The following KLHDC10 variants were observed in gnomAD, a reference collection of about 807,000 sequenced individuals.
KLHDC10 encodes the protein kelch domain containing 10.
In KLHDC10, 24 loss-of-function variants were observed where a neutral mutation model predicts 56.1. The observed-to-expected ratio is 0.43, with a 90% confidence interval of 0.31 to 0.60. The LOEUF is 0.60. Among genes scored for constraint, KLHDC10 ranks in the 20% least tolerant of loss-of-function variants. KLHDC10 has a pLI of 0.11. For missense variants in KLHDC10, 349 were observed against 567.0 expected (o/e 0.62, Z 3.91); for synonymous variants, 188 against 207.1 (o/e 0.91, Z 0.79).
At position 130,131,052 on chromosome 7, in the gene KLHDC10, G is replaced by T. The variant is rs1796393572; in HGVS notation, c.*306G>T. On this transcript the variant is annotated 3_prime_UTR_variant, in exon 10 of 10. Transcript: ENST00000335420. ...GTACCTTAATAATGTTATTAATCAA[G>T]ACAGATTCCTTTTTAAAGGAATTCT... The T allele has an allele frequency of 3.3e-5, 8 of 242,852 alleles. No individual in the cohort carries two copies. In the South Asian group the frequency reaches 7.9e-4, roughly 24 times the overall value. The allele number at this position is 242,852 out of a possible 1,614,324, so 15.0% of individuals were successfully genotyped here. A position where few individuals can be genotyped will look rare whatever the true frequency, so the allele number is the denominator to read the frequency against.
At chr7:130,088,167 CT>C (rs1306273639) in intron 1 of KLHDC10, among the ~76,000 whole-genome samples, 1 of 152,076 alleles carries the variant, frequency 6.6e-6, no homozygotes, top group Non-Finnish European at 1.5e-5. Flanking sequence ...CCAATATAAG[CT>C]TTTATATCCT....
Position 130,135,202 on chromosome 7 carries a change from T to C in KLHDC10, c.*4456T>C, listed in dbSNP as rs1796457817. ...TTTCAGAAAAAAACAAAAAACAATT[T>C]CACCAAGCGGTAGTAATTGTTGTTT... On this transcript the variant is annotated 3_prime_UTR_variant, in exon 10 of 10. Transcript: ENST00000335420. The C allele has an allele frequency of 2.4e-5, 2 of 83,274 alleles. No individual in the cohort carries two copies. Among genetic ancestry groups the C allele is most frequent in the South Asian group, 6.9e-4 (2 of 2,912 alleles). 5.2% of individuals were successfully genotyped at this position (83,274 alleles called of 1,614,324 possible).
intron 2 of KLHDC10, among the ~76,000 whole-genome samples, chr7:130,107,516 AAAC>A (rs781336123): frequency 3.9e-5 from 6 of 151,912 alleles, no homozygotes; most frequent in Non-Finnish European, 8.8e-5. Flanking sequence ...AGAAATAAAA[AAAC>A]AATAAAACAA....
chr7:130,097,582 A>C (rs62491320), intron 2 of KLHDC10, among the ~76,000 whole-genome samples: 246 of 152,254 alleles, frequency 1.6e-3, no homozygotes, highest in Non-Finnish European at 2.4e-3. Flanking sequence ...ATTATGAACA[A>C]GTATTTATTT....
chr7:130,076,721 T>C (rs1795509335), intron 1 of KLHDC10, among the ~76,000 whole-genome samples: 1 of 152,206 alleles, frequency 6.6e-6, no homozygotes, highest in African/African-American at 2.4e-5. Context: ...AGTTCAGCTT[T>C]GCCCTGCTGA....
rs572515461 is a variant in KLHDC10, at chr7:130,131,566, C to G, written c.*820C>G. ...TTCATTCTGGCAGTTTTGAAACTCTCTTATGCTTATTAATGGTTTTAAATA... is the reference window on the plus strand; with the variant it reads ...TTCATTCTGGCAGTTTTGAAACTCTGTTATGCTTATTAATGGTTTTAAATA... On this transcript the variant is annotated 3_prime_UTR_variant, in exon 10 of 10. Transcript: ENST00000335420. The G allele has an allele frequency of 2.6e-5, 4 of 152,310 alleles. No individual in the cohort carries two copies. The highest frequency in any genetic ancestry group is 3.9e-4 in the East Asian group (2 of 5,192). 9.4% of individuals were successfully genotyped at this position (152,310 alleles called of 1,614,324 possible).
At position 130,120,835 on chromosome 7, in the gene KLHDC10, A is replaced by C; in HGVS notation, c.562A>C (p.Asn188His). The C allele has an allele frequency of 6.2e-7, 1 of 1,614,158 alleles. No homozygotes were observed. The highest frequency in any genetic ancestry group is 8.5e-7 in the Non-Finnish European group (1 of 1,180,012). ...ESNGNDVHVCNVKYKRWALLS... is the reference protein window; with the variant it reads ...ESNGNDVHVCHVKYKRWALLS... ...CAACGGCAATGACGTCCATGTGTGT[A>C]ATGTGAAGTATAAGAGATGGGCTTT... The change falls in exon 4 of 10, where the codon AAT becomes CAT. Residue 188 changes from asparagine (N) to histidine (H), a missense_variant. This residue lies in a region of KLHDC10 where 245 missense variants were observed against 470.1 expected (regional missense o/e 0.52). Coordinates refer to ENST00000335420, the MANE Select transcript of KLHDC10 (RefSeq NM_014997.4). This position sits in a 1 kb window ranked among gnomAD's most constrained non-coding sequence, Gnocchi z 5.1.
At chr7:130,117,865 A>G (rs910982274) in intron 3 of KLHDC10, among the ~76,000 whole-genome samples, 2 of 149,486 alleles carry the variant, frequency 1.3e-5, no homozygotes, top group African/African-American at 2.5e-5. Flanking sequence ...AAAAAAAAAA[A>G]AAAAAAAAAG....
intron 1 of KLHDC10, among the ~76,000 whole-genome samples, chr7:130,078,841 T>C (rs1229760617): frequency 6.6e-6 from 1 of 152,122 alleles, no homozygotes; most frequent in Non-Finnish European, 1.5e-5. Flanking sequence ...TTGATACTTA[T>C]TTCTTTATTT....
intron 1 of KLHDC10, among the ~76,000 whole-genome samples, chr7:130,076,084 T>C (rs1276305235): frequency 6.6e-6 from 1 of 152,152 alleles, no homozygotes; most frequent in African/African-American, 2.4e-5. Context: ...AGGATGAAAC[T>C]GTTCCACCTC....
chr7:130,126,473 C>T (rs1299293392), intron 7 of KLHDC10, among the ~76,000 whole-genome samples: 5 of 151,218 alleles, frequency 3.3e-5, no homozygotes, highest in Admixed American at 2.0e-4. Context: ...GTCAGGAGTT[C>T]GAGACGAGCC....
intron 2 of KLHDC10, among the ~76,000 whole-genome samples, chr7:130,112,851 T>C (rs1441786812): frequency 6.6e-6 from 1 of 152,162 alleles, no homozygotes; most frequent in Admixed American, 6.5e-5. Context: ...GATTAGATGC[T>C]CTTTACCCAA....
chr7:130,104,609 G>T (rs1327446329), intron 2 of KLHDC10, among the ~76,000 whole-genome samples: 1 of 152,154 alleles, frequency 6.6e-6, no homozygotes, highest in African/African-American at 2.4e-5. Context: ...ATAAAGAAGA[G>T]GTTTAATTGA....
rs1466130377 is a variant in KLHDC10, at chr7:130,134,812, CATTCTAAAA to C, written c.*4068_*4076del. On this transcript the variant is annotated 3_prime_UTR_variant, in exon 10 of 10. Coordinates refer to ENST00000335420, the MANE Select transcript of KLHDC10 (RefSeq NM_014997.4). ...TTTATGGTCCTCTGATCATAAGCTC[CATTCTAAAA>C]ACTGGTCACTGTTAGCTGAAATTGC... 6.6e-6 allele frequency: 1 copy of C among 152,052 alleles called. No homozygotes were observed. The highest frequency in any genetic ancestry group is 1.5e-5 in the Non-Finnish European group (1 of 68,026). 9.4% of individuals were successfully genotyped at this position (152,052 alleles called of 1,614,324 possible). A position where few individuals can be genotyped will look rare whatever the true frequency, so the allele number is the denominator to read the frequency against.
chr7:130,084,768 C>T (rs1321302328), intron 1 of KLHDC10, among the ~76,000 whole-genome samples: 1 of 146,148 alleles, frequency 6.8e-6, no homozygotes, highest in Non-Finnish European at 1.5e-5. Context: ...CAGAGCGAGA[C>T]TCTGAAAAAA....
At chr7:130,100,027 A>T (rs1425440901) in intron 2 of KLHDC10, among the ~76,000 whole-genome samples, 1 of 151,890 alleles carries the variant, frequency 6.6e-6, no homozygotes, top group East Asian at 1.9e-4. Context: ...GATTGCTTGC[A>T]ACTAAGAGTT....
intron 6 of KLHDC10, 135 bp downstream of exon 6, chr7:130,124,670 TG>T: frequency 1.8e-6 from 1 of 566,930 alleles, no homozygotes; most frequent in Non-Finnish European, 3.2e-6. Flanking sequence ...TATTTTGTGT[TG>T]GATGCACTTT....
In KLHDC10 at chr7:130,111,053, T is replaced by C. The variant is rs201966431; in HGVS notation, c.254-5392T>C. On this transcript the variant is annotated intron_variant, in intron 2 of 9. Coordinates refer to ENST00000335420, the MANE Select transcript of KLHDC10 (RefSeq NM_014997.4). ...ATTTTCCTAATTCTACTCTAGAACA[T>C]GTCGATTTAGTATATGGTAAAGGTG... Among the ~76,000 whole-genome samples, 7 of 152,300 alleles carry C rather than the reference T, an allele frequency of 4.6e-5. No homozygotes were observed. In the East Asian group the frequency reaches 1.3e-3, roughly 29 times the overall value.
chr7:130,080,999 C>CTTTTTTTTT (rs966845024), intron 1 of KLHDC10, among the ~76,000 whole-genome samples: 6 of 131,930 alleles, frequency 4.5e-5, no homozygotes, highest in African/African-American at 1.2e-4. Flanking sequence ...TTTCAGTTTT[C>CTTTTTTTTT]TTTTTTTTTT....
Sources: allele counts gnomAD v4.1 joint callset (sites outside exome capture counted in the v4.1 genomes callset), GRCh38; gene constraint gnomAD v4.1.1; regional missense constraint gnomAD v4.1.1; non-coding constraint Gnocchi (gnomAD v3.1); transcripts MANE v1.5; gene names NCBI Gene and HGNC (gene_info 2026-07-23, HGNC 2026-07-21).